Variants in MARCHF1 observed in about 807,000 individuals in gnomAD.
MARCHF1 encodes the protein membrane associated ring-CH-type finger 1.
A neutral mutation model predicts 54.2 loss-of-function variants in MARCHF1; 40 were observed. The ratio of observed to expected loss-of-function variants is 0.74; its 90% confidence interval spans 0.57 to 0.96. The LOEUF is 0.96. MARCHF1 is among the 40% of genes least tolerant of loss of function. MARCHF1 has a pLI of 0.00. For synonymous variants in MARCHF1, 236 were observed against 236.3 expected, an observed-to-expected ratio of 1.00 and a Z score of 0.01; for missense variants, 586 against 656.5, an observed-to-expected ratio of 0.89 and a Z score of 1.17.
At chr4:164,379,159 G>A (rs1026509545) in intron 1 of MARCHF1, among the ~76,000 whole-genome samples, 2 of 152,082 alleles carry the variant, frequency 1.3e-5, no homozygotes, top group Non-Finnish European at 2.9e-5. Flanking sequence ...AGAAAAGATG[G>A]AGAAAACAGA....
intron 2 of MARCHF1, among the ~76,000 whole-genome samples, chr4:164,064,041 C>T (rs902480358): frequency 1.3e-5 from 2 of 152,144 alleles, no homozygotes; most frequent in Non-Finnish European, 2.9e-5. Context: ...TGTACCAGTA[C>T]CATGCTGTTT....
intron 1 of MARCHF1, among the ~76,000 whole-genome samples, chr4:164,138,595 CT>C (rs1756453852): frequency 6.6e-6 from 1 of 152,170 alleles, no homozygotes; most frequent in Non-Finnish European, 1.5e-5. Flanking sequence ...ATGGCCACAA[CT>C]CAGTTGAAGC....
intron 4 of MARCHF1, 143 bp downstream of exon 4, chr4:163,853,878 T>C: frequency 1.8e-6 from 1 of 569,562 alleles, no homozygotes; most frequent in Non-Finnish European, 2.7e-6. Context: ...ACTAACCAAA[T>C]CTATATGAAT....
At position 163,798,811 on chromosome 4, in the gene MARCHF1, A is replaced by G. The variant is rs138718493; in HGVS notation, c.111+55210T>C. Reference sequence around the variant, plus strand: ...AACAAGGGAATGGAAAAAAGGCTATAAAAAGTAGTACAAAGAGTAGGCACA... The same window carrying G: ...AACAAGGGAATGGAAAAAAGGCTATGAAAAGTAGTACAAAGAGTAGGCACA... On this transcript the variant is annotated intron_variant, in intron 4 of 9. Transcript: ENST00000514618. 6.6e-3 allele frequency among the ~76,000 whole-genome samples: 1,010 copies of G among 152,262 alleles called. 10 individuals are homozygous for G. The highest frequency in any genetic ancestry group is 0.023 in the African/African-American group (958 of 41,570).
At chr4:163,992,601 CAT>C (rs1752988921) in intron 2 of MARCHF1, among the ~76,000 whole-genome samples, 1 of 151,436 alleles carries the variant, frequency 6.6e-6, no homozygotes, top group Non-Finnish European at 1.5e-5. Context: ...TTTTAAATAA[CAT>C]AGAAAATTTG....
chr4:163,906,225 A>G (rs1751063916), intron 3 of MARCHF1, among the ~76,000 whole-genome samples: 2 of 151,912 alleles, frequency 1.3e-5, no homozygotes, highest in African/African-American at 4.8e-5. Flanking sequence ...CTTTTACTCA[A>G]TTCCTCCCAT....
intron 3 of MARCHF1, among the ~76,000 whole-genome samples, chr4:163,956,225 C>A (rs1394549919): frequency 6.6e-6 from 1 of 152,066 alleles, no homozygotes; most frequent in Non-Finnish European, 1.5e-5. Flanking sequence ...AAAAGAAAGT[C>A]TGCTCAAATC....
intron 1 of MARCHF1, among the ~76,000 whole-genome samples, chr4:164,247,611 A>G (rs1202976574): frequency 1.8e-4 from 1 of 5,592 alleles, no homozygotes; most frequent in Non-Finnish European, 7.2e-4. Flanking sequence ...GTATAATAAT[A>G]AAAAAAAAAA....
chr4:164,139,117 C>T (rs1304766159), intron 1 of MARCHF1, among the ~76,000 whole-genome samples: 2 of 151,974 alleles, frequency 1.3e-5, no homozygotes, highest in South Asian at 4.2e-4. Flanking sequence ...AAGATGAGTA[C>T]AATATTTTGC....
intron 1 of MARCHF1, among the ~76,000 whole-genome samples, chr4:164,291,761 G>C (rs888373236): frequency 1.3e-5 from 2 of 151,996 alleles, no homozygotes; most frequent in Admixed American, 6.6e-5. Flanking sequence ...TATAGAAAAG[G>C]TATAGTAAAA....
chr4:164,184,796 G>A (rs897544170), intron 1 of MARCHF1, among the ~76,000 whole-genome samples: 21 of 152,152 alleles, frequency 1.4e-4, no homozygotes, highest in Admixed American at 3.9e-4. Context: ...ATGCCTAAAT[G>A]TAATTCCAAG....
chr4:163,559,173 T>G (rs1189475776), intron 8 of MARCHF1, among the ~76,000 whole-genome samples: 4 of 152,212 alleles, frequency 2.6e-5, no homozygotes. Context: ...TAATTGCATG[T>G]TCATTGTAGA....
intron 4 of MARCHF1, among the ~76,000 whole-genome samples, chr4:163,834,680 A>T (rs1211095183): frequency 4.9e-5 from 7 of 143,218 alleles, no homozygotes; most frequent in Admixed American, 2.3e-4. Context: ...CATCATTCTC[A>T]GTAAACTATC....
chr4:163,776,964 A>G (rs1012943040), intron 4 of MARCHF1, among the ~76,000 whole-genome samples: 1 of 152,150 alleles, frequency 6.6e-6, no homozygotes, highest in Non-Finnish European at 1.5e-5. Context: ...CCCTTTACAC[A>G]TGTTTTTATT....
intron 2 of MARCHF1, among the ~76,000 whole-genome samples, chr4:164,028,877 C>T (rs1753822296): frequency 6.6e-6 from 1 of 151,976 alleles, no homozygotes; most frequent in Admixed American, 6.6e-5. Flanking sequence ...GTTGAGCAGC[C>T]CTGTTGTAAA....
At chr4:163,804,570 A>G (rs1023653966) in intron 4 of MARCHF1, among the ~76,000 whole-genome samples, 7 of 152,224 alleles carry the variant, frequency 4.6e-5, no homozygotes, top group Non-Finnish European at 8.8e-5. Flanking sequence ...TAAACTCTAT[A>G]TTAAGCAGAA....
chr4:163,959,941 T>A (rs1374728688), intron 3 of MARCHF1, among the ~76,000 whole-genome samples: 1 of 151,554 alleles, frequency 6.6e-6, no homozygotes, highest in Non-Finnish European at 1.5e-5. Context: ...AAATCCAACA[T>A]GTATAAGGAA....
chr4:164,207,256 A>G (rs1301481331), intron 1 of MARCHF1, among the ~76,000 whole-genome samples: 1 of 152,244 alleles, frequency 6.6e-6, no homozygotes, highest in African/African-American at 2.4e-5. Flanking sequence ...TCCTGGTTAC[A>G]GCACTGCCAA....
At chr4:163,794,615 C>T (rs943713777) in intron 4 of MARCHF1, among the ~76,000 whole-genome samples, 1 of 152,152 alleles carries the variant, frequency 6.6e-6, no homozygotes, top group African/African-American at 2.4e-5. Context: ...TTATTCATTT[C>T]TGCCTATTTC....
Sources: gnomAD v4.1 joint callset for allele counts (sites outside exome capture counted in the v4.1 genomes callset) on GRCh38, gnomAD v4.1.1 for gene constraint, MANE v1.5 for transcripts, NCBI Gene and HGNC (gene_info 2026-07-23, HGNC 2026-07-21) for gene names.